The following SLC27A2 variants were observed in gnomAD, a reference collection of about 807,000 sequenced individuals.
The protein encoded by SLC27A2 is solute carrier family 27 member 2.
SLC27A2 carries 54 observed loss-of-function variants against 60.0 expected under a neutral mutation model. The ratio of observed to expected loss-of-function variants is 0.90; its 90% CI spans 0.72 to 1.13. SLC27A2 has a LOEUF of 1.13. SLC27A2 is among the 50% of genes most tolerant of loss of function. The pLI, the probability that SLC27A2 is intolerant of heterozygous loss-of-function variation, is 0.00. For synonymous variants in SLC27A2, 297 were observed against 297.6 expected (o/e 1.00, Z 0.02); for missense variants, 739 against 777.6 (o/e 0.95, Z 0.59).
intron 2 of SLC27A2, 70 bp downstream of exon 2, chr15:50,197,779 ATC>A: frequency 3.4e-6 from 4 of 1,190,332 alleles, no homozygotes; most frequent in Non-Finnish European, 4.9e-6. Context: ...AGGTTTTCAA[ATC>A]TCTTTCTTTG....
chr15:50,226,972 T>C lies in SLC27A2; in HGVS notation c.1259-8T>C, dbSNP rs1395591234. On this transcript the variant is annotated splice_polypyrimidine_tract_variant and splice_region_variant and intron_variant, in intron 6 of 9. Transcript: ENST00000267842. ...CACATAAAATAAGTTTACTTTCTTC[T>C]GTCTTAGGTGAAGTTGGACTTCTGG... 3.1e-6 allele frequency: 5 copies of C among 1,607,768 alleles called. No individual in the cohort carries two copies. Among genetic ancestry groups the C allele is most frequent in the African/African-American group, 1.3e-5 (1 of 74,492 alleles).
Position 50,202,506 on chromosome 15 carries a change from G to A in SLC27A2, c.708G>A (p.Met236Ile), listed in dbSNP as rs1312932129. Residue 236 changes from methionine to isoleucine, a missense_variant, in exon 3 of 10, where the codon ATG becomes ATA. By Grantham distance (10) the Met-to-Ile change is conservative (BLOSUM62 1). Coordinates refer to ENST00000267842, the MANE Select transcript of SLC27A2 (RefSeq NM_003645.4). ...ACAAAGGTCTTCCAAAAGCAGCCAT[G>A]ATCACTCATCAGCGCATATGGTATG... ...SGTTGLPKAA[M>I]ITHQRIWYGT... 13 of 1,614,182 alleles carry A rather than the reference G, an allele frequency of 8.1e-6. No homozygotes were observed. The East Asian group carries it at 8.9e-5, about 11-fold the overall frequency.
At position 50,226,983 on chromosome 15, in the gene SLC27A2, A is replaced by T. The variant is rs1357635308; in HGVS notation, c.1262A>T (p.Glu421Val). The T allele has an allele frequency of 6.2e-7, 1 of 1,613,318 alleles. No homozygotes were observed. The highest frequency in any genetic ancestry group is 1.7e-5 in the Admixed American group (1 of 59,894). Reference protein sequence around the residue: ...NGYCVRVPKGEVGLLVCKITQ... With the variant: ...NGYCVRVPKGVVGLLVCKITQ... ...AGTTTACTTTCTTCTGTCTTAGGTG[A>T]AGTTGGACTTCTGGTTTGCAAAATC... Residue 421 changes from glutamate (E) to valine (V), a missense_variant, in exon 7 of 10, where the codon GAA (glutamate) becomes GTA (valine). Coordinates refer to ENST00000267842, the MANE Select transcript of SLC27A2 (RefSeq NM_003645.4).
At chr15:50,183,076 C>G (rs527379501) in intron 1 of SLC27A2, among the ~76,000 whole-genome samples, 171 bp downstream of exon 1, 2 of 152,334 alleles carry the variant, frequency 1.3e-5, no homozygotes, top group African/African-American at 4.8e-5. Flanking sequence ...TTTAGGACCA[C>G]CTGTTGTGGA....
intron 1 of SLC27A2, among the ~76,000 whole-genome samples, chr15:50,196,355 C>T (rs1311158954): frequency 6.6e-6 from 1 of 151,458 alleles, no homozygotes; most frequent in African/African-American, 2.4e-5. Flanking sequence ...ATGAACAGCC[C>T]TGTTCATCTA....
rs939147899 is a variant in SLC27A2, at chr15:50,233,877, G to T, written c.1565G>T (p.Gly522Val). 8 of 1,612,054 alleles carry T rather than the reference G, an allele frequency of 5.0e-6. No individual in the cohort carries two copies. Among genetic ancestry groups the T allele is most frequent in the East Asian group, 2.2e-5 (1 of 44,880 alleles). ...VYGVHVPDHEGRIGMASIKMK... is the reference protein window; with the variant it reads ...VYGVHVPDHEVRIGMASIKMK... ...CTCACTTTATTTCTAGATCATGAGGGTCGCATTGGCATGGCCTCCATCAAA... is the reference window on the plus strand; with the variant it reads ...CTCACTTTATTTCTAGATCATGAGGTTCGCATTGGCATGGCCTCCATCAAA... Residue 522 changes from glycine (G) to valine (V), a missense_variant, in exon 9 of 10, where the codon GGT becomes GTT. Transcript: ENST00000267842.
At chr15:50,216,846 G>A (rs1001059665) in intron 4 of SLC27A2, among the ~76,000 whole-genome samples, 15 of 132,716 alleles carry the variant, frequency 1.1e-4, no homozygotes, top group Admixed American at 7.7e-4. Context: ...TAAATATATA[G>A]TACATATATC....
intron 5 of SLC27A2, among the ~76,000 whole-genome samples, chr15:50,224,406 C>G (rs531572653): frequency 1.3e-5 from 2 of 152,298 alleles, no homozygotes; most frequent in East Asian, 1.9e-4. Context: ...CGCCACTGCA[C>G]TCCAGCCTGG....
intron 7 of SLC27A2, 138 bp from the exon 8 acceptor site, chr15:50,228,807 T>C (rs201033691): frequency 4.6e-6 from 3 of 647,932 alleles, no homozygotes; most frequent in East Asian, 5.5e-5. Flanking sequence ...CAGGACTAAG[T>C]TGGGGAGTTT....
At chr15:50,202,705 C>T (rs971325441) in intron 3 of SLC27A2, 60 bp downstream of exon 3, 28 of 1,573,118 alleles carry the variant, frequency 1.8e-5, no homozygotes, top group Non-Finnish European at 2.1e-5. Flanking sequence ...CCAGAAGGAA[C>T]AGTAATACAA....
At chr15:50,196,086 ATAT>A (rs2045019774) in intron 1 of SLC27A2, among the ~76,000 whole-genome samples, 2 of 8,516 alleles carry the variant, frequency 2.3e-4, no homozygotes, top group Non-Finnish European at 4.1e-4. Flanking sequence ...AAATATATAT[ATAT>A]ATATATATAT....
chr15:50,231,956 T>C (rs1447819868), intron 8 of SLC27A2, among the ~76,000 whole-genome samples: 1 of 152,248 alleles, frequency 6.6e-6, no homozygotes, highest in Admixed American at 6.5e-5. Flanking sequence ...AAAGAGAGGC[T>C]GGATGTCCAC....
Position 50,197,604 on chromosome 15 carries a change from C to T in SLC27A2, c.583C>T (p.Leu195=). ...TSNTDGIDSF[L]DKVDEVSTEP... is the part of the protein sequence containing the mutation. ...TAACACAGATGGGATTGACTCTTTC[C>T]TGGACAAAGTGGATGAAGTATCAAC... The change falls in exon 2 of 10, where the codon CTG becomes TTG. Residue 195 remains leucine, a synonymous_variant. Coordinates refer to ENST00000267842, the MANE Select transcript of SLC27A2 (RefSeq NM_003645.4). The T allele has an allele frequency of 6.2e-7, 1 of 1,614,018 alleles. No homozygotes were observed. Among genetic ancestry groups the T allele is most frequent in the Non-Finnish European group, 8.5e-7 (1 of 1,179,946 alleles).
At chr15:50,205,762 C>T (rs1269965326) in intron 4 of SLC27A2, among the ~76,000 whole-genome samples, 1 of 152,164 alleles carries the variant, frequency 6.6e-6, no homozygotes, top group Non-Finnish European at 1.5e-5. Context: ...CTCTGTGGCC[C>T]TTGTCATGTT....
At chr15:50,213,487 C>G (rs965318487) in intron 4 of SLC27A2, among the ~76,000 whole-genome samples, 2 of 152,184 alleles carry the variant, frequency 1.3e-5, no homozygotes, top group Admixed American at 1.3e-4. Flanking sequence ...TTTCATCCAA[C>G]AGCAGCAGAA....
chr15:50,198,398 C>T (rs1240854825), intron 2 of SLC27A2: 3 of 151,844 alleles, frequency 2.0e-5, no homozygotes, highest in Non-Finnish European at 4.4e-5. Flanking sequence ...TAAGATTCTG[C>T]CCCCACTCTT....
At chr15:50,186,455 T>TTTC (rs2044923841) in intron 1 of SLC27A2, among the ~76,000 whole-genome samples, 5 of 145,056 alleles carry the variant, frequency 3.4e-5, no homozygotes, top group East Asian at 2.0e-4. Context: ...TTGTTTGTTT[T>TTTC]TGAGACAGTC....
intron 4 of SLC27A2, among the ~76,000 whole-genome samples, chr15:50,217,945 T>C (rs1264824997): frequency 1.7e-4 from 26 of 149,032 alleles, no homozygotes; most frequent in Admixed American, 1.7e-3. Context: ...TCCCAGCTAC[T>C]GGGGAGGCTG....
intron 5 of SLC27A2, among the ~76,000 whole-genome samples, chr15:50,224,484 G>C (rs778669223): frequency 6.6e-6 from 1 of 152,108 alleles, no homozygotes; most frequent in African/African-American, 2.4e-5. Flanking sequence ...GCCCTTAGAG[G>C]CTATAGCCCA....
Sources: gnomAD v4.1 joint callset for allele counts (sites outside exome capture counted in the v4.1 genomes callset) on GRCh38, gnomAD v4.1.1 for gene constraint, MANE v1.5 for transcripts, NCBI Gene and HGNC (gene_info 2026-07-23, HGNC 2026-07-21) for gene names.